ADAM12: variants seen among roughly 807,000 people sequenced by gnomAD.
The protein encoded by ADAM12 is disintegrin and metalloproteinase domain-containing protein 12.
ADAM12 carries 70 observed loss-of-function variants against 106.4 expected under a neutral mutation model. The observed-to-expected ratio is 0.66, with a 90% confidence interval of 0.54 to 0.80. The LOEUF (loss-of-function observed/expected upper bound fraction) is 0.80, where lower values mean the gene tolerates loss of function less well. Ranked by LOEUF, ADAM12 falls within the 30% of genes least tolerant of loss-of-function variation. The pLI is 0.00. For missense variants in ADAM12, 1,010 were observed against 1,171.9 expected, an observed-to-expected ratio of 0.86 and a Z score of 2.02; for synonymous variants, 420 against 433.5, an observed-to-expected ratio of 0.97 and a Z score of 0.39.
At chr10:126,144,441 A>G (rs1816509333) in intron 4 of ADAM12, among the ~76,000 whole-genome samples, 1 of 152,110 alleles carries the variant, frequency 6.6e-6, no homozygotes, top group Admixed American at 6.6e-5. Context: ...TCCACTTGCT[A>G]TTTTCTTCCA....
chr10:126,176,023 T>C (rs997689762), intron 3 of ADAM12, among the ~76,000 whole-genome samples: 1 of 152,184 alleles, frequency 6.6e-6, no homozygotes, highest in Non-Finnish European at 1.5e-5. Flanking sequence ...AAAGAAAGGC[T>C]GCCTCGCCCT....
At chr10:126,163,536 A>G (rs551724713) in intron 3 of ADAM12, among the ~76,000 whole-genome samples, 1 of 152,342 alleles carries the variant, frequency 6.6e-6, no homozygotes, top group African/African-American at 2.4e-5. Context: ...AATGACCTCC[A>G]AATTGCTTTC....
intron 11 of ADAM12, among the ~76,000 whole-genome samples, chr10:126,084,055 C>G (rs1479323001): frequency 2.6e-5 from 4 of 152,194 alleles, no homozygotes; most frequent in Non-Finnish European, 5.9e-5. Flanking sequence ...TAGCAAACAC[C>G]TGGGCCCCAG....
In ADAM12 at chr10:126,330,508, C is replaced by T; in HGVS notation, c.90G>A (p.Gly30=). 1.9e-6 allele frequency: 3 copies of T among 1,612,788 alleles called. No individual in the cohort carries two copies. The highest frequency in any genetic ancestry group is 2.5e-6 in the Non-Finnish European group (3 of 1,179,600). ...CTCTTCCTTGGTTCCATAAGCTCAC[C>T]CCTGAATCAAAAGGAAAACAGCCCT... ...GALLAPCEAR[G]VSLWNQGRAD... is the part of the protein sequence containing the mutation. Residue 30 remains glycine, a splice_region_variant and synonymous_variant, in exon 2 of 23, where the codon GGG becomes GGA. Transcript: ENST00000448723.
chr10:126,153,676 T>C (rs1956766655), intron 4 of ADAM12, among the ~76,000 whole-genome samples: 1 of 146,394 alleles, frequency 6.8e-6, no homozygotes, highest in Admixed American at 6.8e-5. Context: ...TGGCTTGTAA[T>C]TTTGATTTGG....
intron 3 of ADAM12, among the ~76,000 whole-genome samples, chr10:126,175,300 G>A (rs984374405): frequency 1.3e-5 from 2 of 152,240 alleles, no homozygotes; most frequent in Admixed American, 6.5e-5. Flanking sequence ...CCAGGTGCCA[G>A]GAGTTGCAAC....
chr10:126,359,258 G>A (rs562450091), intron 1 of ADAM12, among the ~76,000 whole-genome samples: 23 of 152,176 alleles, frequency 1.5e-4, no homozygotes, highest in African/African-American at 3.6e-4. Flanking sequence ...TGGCTCCTCC[G>A]AAATCGCATG....
intron 3 of ADAM12, among the ~76,000 whole-genome samples, chr10:126,251,613 C>CAGGATGGATGGG (rs1958757301): frequency 6.7e-6 from 1 of 148,686 alleles, no homozygotes; most frequent in African/African-American, 2.5e-5. Context: ...TGGATGGATG[C>CAGGATGGATGGG]ATGGATAGAT....
intron 3 of ADAM12, among the ~76,000 whole-genome samples, chr10:126,206,925 T>G (rs1013580825): frequency 6.6e-6 from 1 of 151,008 alleles, no homozygotes; most frequent in Non-Finnish European, 1.5e-5. Context: ...GTTCTCCTGA[T>G]AGTGAATAAG....
chr10:126,021,650 C>T (rs1298987905), intron 21 of ADAM12, among the ~76,000 whole-genome samples: 1 of 92,650 alleles, frequency 1.1e-5, no homozygotes, highest in African/African-American at 3.0e-5. Flanking sequence ...TGCCCAAGAG[C>T]ACGGATTGTT....
In ADAM12 at chr10:126,064,794, G is replaced by A; in HGVS notation, c.1609+12C>T. 2 of 1,592,484 alleles carry A rather than the reference G, an allele frequency of 1.3e-6. No individual in the cohort carries two copies. Among genetic ancestry groups the A allele is most frequent in the South Asian group, 1.1e-5 (1 of 87,770 alleles). On this transcript the variant is annotated intron_variant, in intron 14 of 22. Coordinates refer to ENST00000448723, the MANE Select transcript of ADAM12 (RefSeq NM_001288973.2). The surrounding 1 kb of genome is among the most constrained non-coding windows in gnomAD (Gnocchi z 4.4). ...TGCCTCTCCTGATGCCGAGCTTGTG[G>A]CGGCCACGTACCTGGTCCCCAGAGC...
chr10:126,198,977 GA>G (rs1489049774), intron 3 of ADAM12, among the ~76,000 whole-genome samples: 1 of 152,176 alleles, frequency 6.6e-6, no homozygotes, highest in East Asian at 1.9e-4. Context: ...AAAGAGTAAG[GA>G]AGGTAGGCTT....
chr10:126,192,297 C>A (rs186729343), intron 3 of ADAM12, among the ~76,000 whole-genome samples: 1 of 152,208 alleles, frequency 6.6e-6, no homozygotes, highest in East Asian at 1.9e-4. Flanking sequence ...TAGAATAGTG[C>A]CTGGTACATA....
intron 1 of ADAM12, 140 bp from the exon 2 acceptor site, chr10:126,330,649 G>T: frequency 1.5e-6 from 1 of 675,972 alleles, no homozygotes; most frequent in Non-Finnish European, 2.4e-6. Flanking sequence ...ATTAAGTCAT[G>T]AAAAGTGTTA....
intron 3 of ADAM12, among the ~76,000 whole-genome samples, chr10:126,234,116 C>T (rs1261361306): frequency 6.6e-6 from 1 of 152,140 alleles, no homozygotes; most frequent in South Asian, 2.1e-4. Context: ...CATGGACAGG[C>T]ACACCACTCC....
chr10:126,357,963 G>A (rs1855599115), intron 1 of ADAM12, among the ~76,000 whole-genome samples: 1 of 152,126 alleles, frequency 6.6e-6, no homozygotes, highest in Non-Finnish European at 1.5e-5. Context: ...AAAAATTGAA[G>A]AGGAAAGATT....
intron 1 of ADAM12, among the ~76,000 whole-genome samples, chr10:126,337,990 C>T (rs1330252992): frequency 6.6e-6 from 1 of 152,172 alleles, no homozygotes; most frequent in Non-Finnish European, 1.5e-5. Context: ...ACCACAGATA[C>T]ACAGCCTTGG....
At chr10:126,238,984 C>CA (rs1334285651) in intron 3 of ADAM12, among the ~76,000 whole-genome samples, 1 of 152,180 alleles carries the variant, frequency 6.6e-6, no homozygotes, top group Middle Eastern at 3.2e-3. Flanking sequence ...GAGAAGGTTT[C>CA]AGGGACTAAA....
At chr10:126,321,477 C>T (rs577264426) in intron 2 of ADAM12, among the ~76,000 whole-genome samples, 1 of 152,254 alleles carries the variant, frequency 6.6e-6, no homozygotes, top group East Asian at 1.9e-4. Flanking sequence ...GTTGGAAATG[C>T]AGAGCCCTTC....
Sources: allele counts gnomAD v4.1 joint callset (sites outside exome capture counted in the v4.1 genomes callset), GRCh38; gene constraint gnomAD v4.1.1; non-coding constraint Gnocchi (gnomAD v3.1); transcripts MANE v1.5; gene names NCBI Gene and HGNC (gene_info 2026-07-23, HGNC 2026-07-21).